Variants in ADGB observed in about 807,000 individuals in gnomAD.
ADGB encodes calpain-7-like protein.
Under a neutral mutation model 210.5 loss-of-function variants are expected in ADGB, and 172 were observed. The observed-to-expected ratio is 0.82, with a 90% CI of 0.72 to 0.93. The LOEUF is 0.93. Among genes scored for constraint, ADGB ranks in the 40% least tolerant of loss-of-function variants. ADGB has a pLI of 0.00. For missense variants in ADGB, 2,025 were observed against 1,964.8 expected, an observed-to-expected ratio of 1.03 and a Z score of -0.58; for synonymous variants, 658 against 662.7, an observed-to-expected ratio of 0.99 and a Z score of 0.11.
chr6:146,799,058 C>CAAAAAAAAAAAAA (rs71552962), intron 33 of ADGB, among the ~76,000 whole-genome samples: 9 of 63,500 alleles, frequency 1.4e-4, no homozygotes, highest in Admixed American at 4.2e-4. Flanking sequence ...TATGGAAATG[C>CAAAAAAAAAAAAA]AAAAAAAAAA....
intron 2 of ADGB, chr6:146,638,862 A>G (rs1480654776): frequency 1.3e-5 from 2 of 150,234 alleles, no homozygotes; most frequent in Admixed American, 6.8e-5. Context: ...ATCATGTGAT[A>G]AGTTTCAAAG....
chr6:146,802,823 A>G, intron 35 of ADGB: 1 of 1,609,348 alleles, frequency 6.2e-7, no homozygotes, highest in Non-Finnish European at 8.5e-7. Context: ...ATAAGCATCT[A>G]CATCCTTAGC....
In ADGB at chr6:146,751,191, TCATTGTTCA is replaced by T. The variant is rs376606980; in HGVS notation, c.3366-1338_3366-1330del. 8.7e-3 allele frequency among the ~76,000 whole-genome samples: 1,272 copies of T among 146,970 alleles called. 10 individuals are homozygous for T. The highest frequency in any genetic ancestry group is 0.024 in the Middle Eastern group (7 of 294). On this transcript the variant is annotated intron_variant, in intron 26 of 35. Transcript: ENST00000397944. ...TTCCCCTCCCTGTGTCCATGTGTTC[TCATTGTTCA>T]GCTCCCACTTATAAGTGAGAATATG...
chr6:146,755,050 G>A (rs1432390802), intron 27 of ADGB, among the ~76,000 whole-genome samples: 1 of 151,924 alleles, frequency 6.6e-6, no homozygotes, highest in Non-Finnish European at 1.5e-5. Flanking sequence ...TATATGCTAT[G>A]TTGCTAGTTA....
chr6:146,815,379 ATT>A lies in ADGB; in HGVS notation c.*164_*165del. 2.1e-6 allele frequency: 1 copy of A among 477,262 alleles called. No homozygotes were observed. Among genetic ancestry groups the A allele is most frequent in the Non-Finnish European group, 3.5e-6 (1 of 289,564 alleles). The allele number at this position is 477,262 out of a possible 1,614,324, so 29.6% of individuals were successfully genotyped here. On this transcript the variant is annotated 3_prime_UTR_variant, in exon 36 of 36. Transcript: ENST00000397944. ...TGTTAGTTTTCCTCAGAAAGCTAGT[ATT>A]TGAAGCCATTTGAGTTTAAGATGCT...
chr6:146,719,392 T>C, intron 16 of ADGB, among the ~76,000 whole-genome samples: 1 of 152,166 alleles, frequency 6.6e-6, no homozygotes, highest in African/African-American at 2.4e-5. Context: ...TTTAAAAGTC[T>C]CAGCTTGGTG....
intron 1 of ADGB, 65 bp downstream of exon 1, chr6:146,599,179 GGGC>G (rs1451348226): frequency 1.4e-6 from 2 of 1,439,252 alleles, no homozygotes. Flanking sequence ...ACTAGTTCTG[GGGC>G]TGCCTCCCTG....
intron 27 of ADGB, among the ~76,000 whole-genome samples, chr6:146,758,705 C>CAGTTTTTCA (rs1194158628): frequency 6.6e-6 from 1 of 151,870 alleles, no homozygotes. Context: ...AACTTTAATA[C>CAGTTTTTCA]AGTTTTTCAA....
At chr6:146,600,419 T>C in intron 1 of ADGB, 1 of 202,454 alleles carries the variant, frequency 4.9e-6, no homozygotes, top group South Asian at 6.6e-5. Context: ...ACTCCCTGAG[T>C]CATCTCAGGA....
Position 146,654,532 on chromosome 6 carries a change from T to C in ADGB, c.402+326T>C, listed in dbSNP as rs552056769. On this transcript the variant is annotated intron_variant, in intron 4 of 35. Transcript: ENST00000397944. ...CTCCCCCAGCTAATTTTAAATTTTTTGGTAGAGACGAGATCGCACCACATT... is the reference window on the plus strand; with the variant it reads ...CTCCCCCAGCTAATTTTAAATTTTTCGGTAGAGACGAGATCGCACCACATT... 1.2e-4 allele frequency among the ~76,000 whole-genome samples: 19 copies of C among 152,062 alleles called. No individual in the cohort carries two copies. In the South Asian group the frequency reaches 2.1e-3, roughly 17 times the overall value.
intron 13 of ADGB, among the ~76,000 whole-genome samples, chr6:146,711,613 T>G (rs1471605100): frequency 6.6e-6 from 1 of 152,206 alleles, no homozygotes; most frequent in Non-Finnish European, 1.5e-5. Flanking sequence ...TACATTCCAT[T>G]CTCCCACCTA....
chr6:146,648,929 A>G (rs1427300488), intron 3 of ADGB, among the ~76,000 whole-genome samples: 1 of 151,902 alleles, frequency 6.6e-6, no homozygotes, highest in Non-Finnish European at 1.5e-5. Context: ...AAATGAAACC[A>G]TTTTACAAAT....
chr6:146,787,337 C>T (rs187310694), intron 32 of ADGB, among the ~76,000 whole-genome samples: 252 of 152,298 alleles, frequency 1.7e-3, no homozygotes, highest in African/African-American at 5.1e-3. Flanking sequence ...CTCAAGGTAA[C>T]AACTAGTTGA....
rs1208515912 is a variant in ADGB at position 146,770,373 on chromosome 6, G to T, written c.3862+1242G>T. 7 of 225,296 alleles carry T rather than the reference G, an allele frequency of 3.1e-5. 1 individual carries two copies. Among genetic ancestry groups the T allele is most frequent in the South Asian group, 2.9e-4 (6 of 20,436 alleles). 14.0% of individuals were successfully genotyped at this position (225,296 alleles called of 1,614,324 possible). A position where few individuals can be genotyped will look rare whatever the true frequency, so the allele number is the denominator to read the frequency against. On this transcript the variant is annotated intron_variant, in intron 29 of 35. Transcript: ENST00000397944. ...AAATTCAAAGAAAAGCTATAAAAATGTATGACACCAAGAGTTCCCATTTCC... is the reference window on the plus strand; with the variant it reads ...AAATTCAAAGAAAAGCTATAAAAATTTATGACACCAAGAGTTCCCATTTCC...
chr6:146,643,913 TC>T (rs2114869881), intron 2 of ADGB, among the ~76,000 whole-genome samples: 1 of 144,304 alleles, frequency 6.9e-6, no homozygotes, highest in African/African-American at 2.6e-5. Flanking sequence ...ATTTCATACT[TC>T]CTTACAATTA....
chr6:146,631,475 T>C (rs1781064342), intron 1 of ADGB, among the ~76,000 whole-genome samples: 1 of 152,128 alleles, frequency 6.6e-6, no homozygotes. Flanking sequence ...GCAAAAGAAA[T>C]GGAAACAGGA....
At chr6:146,786,859 C>T (rs1777882231) in intron 32 of ADGB, among the ~76,000 whole-genome samples, 1 of 151,894 alleles carries the variant, frequency 6.6e-6, no homozygotes, top group East Asian at 1.9e-4. Context: ...ACACTGAATA[C>T]ATTAAACATG....
intron 9 of ADGB, among the ~76,000 whole-genome samples, chr6:146,683,617 C>T (rs983755325): frequency 1.3e-5 from 2 of 151,986 alleles, no homozygotes; most frequent in Non-Finnish European, 2.9e-5. Flanking sequence ...TTTTTGTCAT[C>T]AACATCATTT....
At chr6:146,792,305 C>T (rs1462257288) in intron 33 of ADGB, among the ~76,000 whole-genome samples, 1 of 152,102 alleles carries the variant, frequency 6.6e-6, no homozygotes, top group Non-Finnish European at 1.5e-5. Context: ...TCGTGGATTG[C>T]TTTGAGTGGT....
Sources: allele counts gnomAD v4.1 joint callset (sites outside exome capture counted in the v4.1 genomes callset), GRCh38; gene constraint gnomAD v4.1.1; transcripts MANE v1.5; gene names NCBI Gene and HGNC (gene_info 2026-07-23, HGNC 2026-07-21).